MTA1: variants seen among roughly 807,000 people sequenced by gnomAD.
The protein encoded by MTA1 is metastasis associated 1.
MTA1 carries 15 observed loss-of-function variants against 97.0 expected under a neutral mutation model. The observed-to-expected ratio is 0.15, with a 90% CI of 0.10 to 0.24. MTA1 has a LOEUF of 0.24. Among genes scored for constraint, MTA1 ranks in the 10% least tolerant of loss-of-function variants. The pLI is 1.00. For missense variants in MTA1, 709 were observed against 1,015.1 expected (o/e 0.70, Z 4.10); for synonymous variants, 435 against 417.5 (o/e 1.04, Z -0.51).
chr14:105,464,638 G>GGC, intron 14 of MTA1, 36 bp from the exon 15 acceptor site: 1 of 1,608,070 alleles, frequency 6.2e-7, no homozygotes, highest in East Asian at 2.2e-5. Flanking sequence ...CCCCGGTCAT[G>GGC]GCGCTGTGTT....
intron 2 of MTA1, among the ~76,000 whole-genome samples, chr14:105,444,583 G>A (rs1555426619): frequency 6.6e-6 from 1 of 152,012 alleles, no homozygotes; most frequent in Non-Finnish European, 1.5e-5. Context: ...TTGAGGTCAG[G>A]GGTTCCAGAC....
rs1555431540 is a variant in MTA1, at chr14:105,463,494, A to G, written c.1019A>G (p.Lys340Arg). ...WKTTDRYVQQ[K>R]RLKAAEAESK... ...TCTGACCTTCTCTTTTGTTTTAAGA[A>G]ACGCTTGAAAGCAGCTGAAGCTGAG... is the stretch of plus-strand genomic sequence containing the variant. Residue 340 changes from lysine (K) to arginine (R), a missense_variant and splice_region_variant, in exon 12 of 21, where the codon AAA becomes AGA. Lys to Arg is a conservative substitution (Grantham distance 26). This residue lies in a region of MTA1 where 321 missense variants were observed against 593.5 expected (regional missense o/e 0.54). Coordinates refer to ENST00000331320, the MANE Select transcript of MTA1 (RefSeq NM_004689.4). This position sits in a 1 kb window ranked among gnomAD's most constrained non-coding sequence, Gnocchi z 5.9. 1 of 1,613,158 alleles carries G rather than the reference A, an allele frequency of 6.2e-7. No individual in the cohort carries two copies. Among genetic ancestry groups the G allele is most frequent in the Non-Finnish European group, 8.5e-7 (1 of 1,179,934 alleles).
At chr14:105,442,943 C>G (rs1345685054) in intron 2 of MTA1, among the ~76,000 whole-genome samples, 2 of 152,272 alleles carry the variant, frequency 1.3e-5, no homozygotes, top group Non-Finnish European at 2.9e-5. Flanking sequence ...AGGCGCTGAG[C>G]TGGTGGGAAC....
chr14:105,440,034 G>A (rs1318603742), intron 2 of MTA1, among the ~76,000 whole-genome samples: 3 of 152,212 alleles, frequency 2.0e-5, no homozygotes, highest in African/African-American at 4.8e-5. Context: ...ACCTGGGGCC[G>A]AGGAGCATGG....
Position 105,466,575 on chromosome 14 carries a change from G to A in MTA1, c.1774G>A (p.Asp592Asn). The A allele has an allele frequency of 4.4e-6, 7 of 1,574,740 alleles. No homozygotes were observed. The highest frequency in any genetic ancestry group is 6.0e-6 in the Non-Finnish European group (7 of 1,160,334). The change falls in exon 17 of 21, where the codon GAC becomes AAC. Residue 592 changes from aspartate to asparagine, a missense_variant. Physicochemically the swap from Asp to Asn is conservative, Grantham distance 23. Transcript: ENST00000331320. ...CAGCTACGAGCAGCACAACGGGGTG[G>A]ACGGTGAGTGGCCCCCCCGCCCGGT... Reference protein sequence around the residue: ...KRSYEQHNGVDGNMKKRLLMP... With the variant: ...KRSYEQHNGVNGNMKKRLLMP...
At chr14:105,436,352 T>C (rs2082323839) in intron 1 of MTA1, among the ~76,000 whole-genome samples, 1 of 152,244 alleles carries the variant, frequency 6.6e-6, no homozygotes. Flanking sequence ...TTTTACTCTA[T>C]CATTTCCTGC....
At chr14:105,454,653 C>T in intron 7 of MTA1, 1 of 213,356 alleles carries the variant, frequency 4.7e-6, no homozygotes, top group Non-Finnish European at 9.7e-6. Context: ...GTTGCCCAGG[C>T]TGGAGTGCAG....
At chr14:105,437,772 C>T (rs1337876746) in intron 1 of MTA1, among the ~76,000 whole-genome samples, 3 of 152,200 alleles carry the variant, frequency 2.0e-5, no homozygotes, top group Non-Finnish European at 2.9e-5. Flanking sequence ...CGAGGGTGCT[C>T]GTGGTGCTGG....
chr14:105,438,615 G>A (rs587749029), intron 1 of MTA1, 57 bp from the exon 2 acceptor site: 3 of 1,532,112 alleles, frequency 2.0e-6, no homozygotes, highest in African/African-American at 2.7e-5. Context: ...CACGGGAGGT[G>A]GGACTGGGTC....
intron 6 of MTA1, among the ~76,000 whole-genome samples, chr14:105,450,990 T>TG (rs1555428543): frequency 1.3e-5 from 2 of 152,160 alleles, no homozygotes; most frequent in Admixed American, 6.5e-5. Context: ...CTGTCACAGT[T>TG]GCGGGGCACA....
chr14:105,457,507 C>T (rs1382849028), intron 7 of MTA1, among the ~76,000 whole-genome samples: 3 of 152,264 alleles, frequency 2.0e-5, no homozygotes, highest in African/African-American at 7.2e-5. Context: ...GCCCCAGAAC[C>T]CCCTGGGGTG....
rs1158960433 is a variant in MTA1, at chr14:105,422,753, G to A, written c.28+2690G>A. Among the ~76,000 whole-genome samples, 4 of 152,230 alleles carry A rather than the reference G, an allele frequency of 2.6e-5. No individual in the cohort carries two copies. The highest frequency in any genetic ancestry group is 2.6e-4 in the Admixed American group (4 of 15,290). On this transcript the variant is annotated intron_variant, in intron 1 of 20. Transcript: ENST00000331320. The surrounding 1 kb of genome is among the most constrained non-coding windows in gnomAD (Gnocchi z 4.3). Reference sequence around the variant, plus strand: ...CCAGGTTGGGCTAGGCAGGGTGAAGGTGTGGTGGCAGTATTTTTGTGCCAG... The same window carrying A: ...CCAGGTTGGGCTAGGCAGGGTGAAGATGTGGTGGCAGTATTTTTGTGCCAG...
At chr14:105,427,500 C>T (rs587756184) in intron 1 of MTA1, among the ~76,000 whole-genome samples, 14 of 152,186 alleles carry the variant, frequency 9.2e-5, no homozygotes, top group African/African-American at 2.2e-4. Context: ...AGTTCAGTGT[C>T]GGAGAACAAT....
chr14:105,468,395 G>C, intron 18 of MTA1: 1 of 1,302,276 alleles, frequency 7.7e-7, no homozygotes, highest in Non-Finnish European at 1.0e-6. Context: ...GCTGGGCCTT[G>C]GCTTGTGGCA....
At chr14:105,438,853 G>A in intron 2 of MTA1, 114 bp downstream of exon 2, 1 of 1,039,492 alleles carries the variant, frequency 9.6e-7, no homozygotes, top group Non-Finnish European at 1.5e-6. Context: ...TCTTGGACTG[G>A]CCACTGCACA....
chr14:105,457,526 G>A (rs954067116), intron 7 of MTA1, among the ~76,000 whole-genome samples: 2 of 152,234 alleles, frequency 1.3e-5, no homozygotes, highest in Non-Finnish European at 2.9e-5. Flanking sequence ...TGGAAGAGGG[G>A]CCAGGAGGGA....
rs2081883604 is a variant in MTA1 at position 105,422,685 on chromosome 14, T to C, written c.28+2622T>C. Among the ~76,000 whole-genome samples the C allele has an allele frequency of 6.6e-6, 1 of 152,236 alleles. No individual in the cohort carries two copies. The highest frequency in any genetic ancestry group is 2.4e-5 in the African/African-American group (1 of 41,466). On this transcript the variant is annotated intron_variant, in intron 1 of 20. Coordinates refer to ENST00000331320, the MANE Select transcript of MTA1 (RefSeq NM_004689.4). This position sits in a 1 kb window ranked among gnomAD's most constrained non-coding sequence, Gnocchi z 4.3. ...TTCTTATCTGACATTCACAGTTATC[T>C]GGGCAACCCGTATTTTAGCTGGCAG...
At chr14:105,430,081 T>G (rs2141429926) in intron 1 of MTA1, among the ~76,000 whole-genome samples, 1 of 152,286 alleles carries the variant, frequency 6.6e-6, no homozygotes, top group Middle Eastern at 3.4e-3. Context: ...TTCAGGAACT[T>G]TTCCTCTGCA....
intron 7 of MTA1, 77 bp downstream of exon 7, chr14:105,454,387 C>A: frequency 9.5e-7 from 1 of 1,048,886 alleles, no homozygotes; most frequent in East Asian, 2.5e-5. Flanking sequence ...TGAGAGGAGG[C>A]TGGGACATGG....
Sources: allele counts gnomAD v4.1 joint callset (sites outside exome capture counted in the v4.1 genomes callset), GRCh38; gene constraint gnomAD v4.1.1; regional missense constraint gnomAD v4.1.1; non-coding constraint Gnocchi (gnomAD v3.1); transcripts MANE v1.5; gene names NCBI Gene and HGNC (gene_info 2026-07-23, HGNC 2026-07-21).